The following SSBP3 variants were observed in gnomAD, a reference collection of about 807,000 sequenced individuals.
SSBP3 encodes the protein single-stranded DNA-binding protein 3.
SSBP3 carries 5 observed loss-of-function variants against 69.6 expected under a neutral mutation model. That is an observed-to-expected ratio of 0.07 (90% CI 0.04 to 0.15). The LOEUF (loss-of-function observed/expected upper bound fraction) is 0.15. Among genes scored for constraint, SSBP3 ranks in the 10% least tolerant of loss-of-function variants. The pLI, the probability that SSBP3 is intolerant of heterozygous loss-of-function variation, is 1.00. For missense variants in SSBP3, 312 were observed against 534.0 expected (o/e 0.58, Z 4.10); for synonymous variants, 196 against 193.4 (o/e 1.01, Z -0.11).
chr1:54,363,331 C>A (rs919264981), intron 4 of SSBP3, among the ~76,000 whole-genome samples: 3 of 152,182 alleles, frequency 2.0e-5, no homozygotes, highest in African/African-American at 7.2e-5. Flanking sequence ...AAAGGGAAGA[C>A]CCACACAGCT....
At chr1:54,352,822 G>A (rs1266904062) in intron 4 of SSBP3, among the ~76,000 whole-genome samples, 1 of 152,186 alleles carries the variant, frequency 6.6e-6, no homozygotes, top group Non-Finnish European at 1.5e-5. Flanking sequence ...AAACTGTCAT[G>A]TTTTTCCCAC....
chr1:54,233,379 C>G (rs1315272359), intron 14 of SSBP3, among the ~76,000 whole-genome samples: 1 of 151,162 alleles, frequency 6.6e-6, no homozygotes, highest in Non-Finnish European at 1.5e-5. Flanking sequence ...AGCCCCTCTG[C>G]CCGGCAGCTG....
intron 4 of SSBP3, among the ~76,000 whole-genome samples, chr1:54,330,807 C>T (rs1646396316): frequency 1.3e-5 from 2 of 152,204 alleles, no homozygotes; most frequent in South Asian, 2.1e-4. Context: ...AGCAAAGAGA[C>T]ACCCTTAACA....
At chr1:54,264,590 C>T (rs573461062) in intron 5 of SSBP3, among the ~76,000 whole-genome samples, 92 of 152,340 alleles carry the variant, frequency 6.0e-4, no homozygotes, top group African/African-American at 2.2e-3. Context: ...CCAAAAAGCA[C>T]TAGGGCTGGA....
chr1:54,299,071 T>C (rs1038122118), intron 4 of SSBP3, among the ~76,000 whole-genome samples: 8 of 151,996 alleles, frequency 5.3e-5, no homozygotes, highest in African/African-American at 1.9e-4. Flanking sequence ...TGAGGGTTCG[T>C]GCTTGGTTGT....
chr1:54,233,106 CCCGG>C (rs1200778011), intron 14 of SSBP3, among the ~76,000 whole-genome samples: 1 of 151,204 alleles, frequency 6.6e-6, no homozygotes, highest in Non-Finnish European at 1.5e-5. Flanking sequence ...AGCGTCTCCG[CCCGG>C]CCGCCATCCC....
At chr1:54,324,160 C>A (rs1442325135) in intron 4 of SSBP3, among the ~76,000 whole-genome samples, 1 of 152,216 alleles carries the variant, frequency 6.6e-6, no homozygotes, top group Non-Finnish European at 1.5e-5. Context: ...CAGGCTCCAA[C>A]CAGCTCCTGG....
chr1:54,339,030 C>T (rs1646560596), intron 4 of SSBP3, among the ~76,000 whole-genome samples: 2 of 152,150 alleles, frequency 1.3e-5, no homozygotes, highest in Admixed American at 6.5e-5. Flanking sequence ...TTACAGTCTG[C>T]AGAGTGCTTT....
At chr1:54,260,593 C>T (rs994323948) in intron 5 of SSBP3, among the ~76,000 whole-genome samples, 1 of 152,226 alleles carries the variant, frequency 6.6e-6, no homozygotes, top group Non-Finnish European at 1.5e-5. Flanking sequence ...CCCTCAGAAG[C>T]GCCCCTGGGG....
At chr1:54,333,557 C>T (rs981603832) in intron 4 of SSBP3, among the ~76,000 whole-genome samples, 1 of 152,040 alleles carries the variant, frequency 6.6e-6, no homozygotes, top group Non-Finnish European at 1.5e-5. Flanking sequence ...CATAGTGAGA[C>T]CCCGTTTCTA....
intron 5 of SSBP3, among the ~76,000 whole-genome samples, chr1:54,277,225 CA>C (rs1645304921): frequency 6.6e-6 from 1 of 151,958 alleles, no homozygotes; most frequent in East Asian, 1.9e-4. Context: ...TAGACATTGC[CA>C]GTCACTATCT....
At chr1:54,322,624 G>A (rs915739268) in intron 4 of SSBP3, among the ~76,000 whole-genome samples, 6 of 151,532 alleles carry the variant, frequency 4.0e-5, no homozygotes, top group Non-Finnish European at 8.8e-5. Flanking sequence ...AGAGATGTAG[G>A]AAGCAAGATC....
chr1:54,393,460 C>G (rs1299559814), intron 4 of SSBP3, among the ~76,000 whole-genome samples: 1 of 152,120 alleles, frequency 6.6e-6, no homozygotes, highest in African/African-American at 2.4e-5. Context: ...CATCAGGAAG[C>G]CAGAACTCAG....
intron 4 of SSBP3, among the ~76,000 whole-genome samples, chr1:54,397,466 A>G (rs1648976839): frequency 6.6e-6 from 1 of 152,038 alleles, no homozygotes; most frequent in Non-Finnish European, 1.5e-5. Context: ...GCACTTTCCT[A>G]CTTTAACCAA....
intron 4 of SSBP3, among the ~76,000 whole-genome samples, chr1:54,391,717 C>T (rs1285619036): frequency 6.6e-6 from 1 of 152,228 alleles, no homozygotes; most frequent in African/African-American, 2.4e-5. Context: ...GACACAAAAC[C>T]TGCCCTGGAA....
intron 4 of SSBP3, among the ~76,000 whole-genome samples, chr1:54,362,584 T>C (rs1166228008): frequency 6.6e-6 from 1 of 152,188 alleles, no homozygotes; most frequent in Non-Finnish European, 1.5e-5. Flanking sequence ...GGGCAGCCCC[T>C]ACATAGGCGC....
chr1:54,238,369 A>AGGG (rs1163052683), intron 14 of SSBP3: 1 of 468,554 alleles, frequency 2.1e-6, no homozygotes, highest in Non-Finnish European at 4.4e-6. Context: ...TCAGACCCTG[A>AGGG]GCTCCTGGAG....
At chr1:54,328,777 C>T (rs1251400313) in intron 4 of SSBP3, among the ~76,000 whole-genome samples, 1 of 152,186 alleles carries the variant, frequency 6.6e-6, no homozygotes, top group Non-Finnish European at 1.5e-5. Context: ...TAACCCAATA[C>T]CTACCGGGAC....
At chr1:54,353,794 C>T (rs1646821047) in intron 4 of SSBP3, among the ~76,000 whole-genome samples, 1 of 152,218 alleles carries the variant, frequency 6.6e-6, no homozygotes, top group African/African-American at 2.4e-5. Context: ...AACCCTAAAG[C>T]CACCTTCTAT....
Sources: gnomAD v4.1 joint callset for allele counts (sites outside exome capture counted in the v4.1 genomes callset) on GRCh38, gnomAD v4.1.1 for gene constraint, MANE v1.5 for transcripts, NCBI Gene and HGNC (gene_info 2026-07-23, HGNC 2026-07-21) for gene names.